The following NFILZ variants were observed in gnomAD, a reference collection of about 807,000 sequenced individuals.
NFILZ encodes the protein NFIL3 like protein.
rs188347599 is a variant in NFILZ at position 8,676,190 on chromosome 19, G to A, written c.-113-169G>A. The stretch of plus-strand genomic sequence containing the variant: ...GAATGGGTGAGTGATTGGATTACCC[G>A]ATGAATGGGTGGGTAGTTGGATGGA... On this transcript the variant is annotated intron_variant, in intron 4 of 5. Transcript: ENST00000691075. Among the ~76,000 whole-genome samples, 463 of 152,286 alleles carry A rather than the reference G, an allele frequency of 3.0e-3. 4 individuals are homozygous for A. The highest frequency in any genetic ancestry group is 0.01 in the African/African-American group (427 of 41,562).
intron 3 of NFILZ, among the ~76,000 whole-genome samples, chr19:8,664,443 G>A (rs1325216079): frequency 6.6e-6 from 1 of 152,138 alleles, no homozygotes; most frequent in Non-Finnish European, 1.5e-5. Flanking sequence ...AGATACCAAC[G>A]GCTTCCGGTC....
chr19:8,641,224 T>G (rs1244707712), intron 3 of NFILZ, among the ~76,000 whole-genome samples: 6 of 151,422 alleles, frequency 4.0e-5, no homozygotes, highest in East Asian at 3.9e-4. Flanking sequence ...TAATGTTTGT[T>G]TTTTTTTTGT....
chr19:8,674,865 A>G (rs1452890702), intron 4 of NFILZ, among the ~76,000 whole-genome samples: 2 of 152,198 alleles, frequency 1.3e-5, no homozygotes, highest in African/African-American at 4.8e-5. Context: ...ATGTTGGGGA[A>G]GAAAAACCTA....
rs184649379 is a variant in NFILZ, at chr19:8,661,761, G to A, written c.-163-12790G>A. On this transcript the variant is annotated intron_variant, in intron 3 of 5. Transcript: ENST00000691075. The stretch of plus-strand genomic sequence containing the variant: ...ACAAAAATTAGCCAGGCATGGTGGC[G>A]TGCGTCTGTAATCCCAGCTACCCGG... 1.0e-3 allele frequency among the ~76,000 whole-genome samples: 159 copies of A among 152,156 alleles called. 1 individual carries two copies. Among genetic ancestry groups the A allele is most frequent in the Middle Eastern group, 6.8e-3 (2 of 294 alleles).
At position 8,678,179 on chromosome 19, in the gene NFILZ, A is replaced by ATCCG. The variant is rs1568426457; in HGVS notation, c.*547_*548insGTCC. ...CATCCATCCATCCATCCATCCATCC[A>ATCCG]TCCATCCATCCGTCCATCTATCCAT... On this transcript the variant is annotated 3_prime_UTR_variant, in exon 6 of 6. Transcript: ENST00000691075. Among the ~76,000 whole-genome samples, 32 of 21,004 alleles carry ATCCG rather than the reference A, an allele frequency of 1.5e-3. 6 individuals are homozygous for ATCCG. The highest frequency in any genetic ancestry group is 5.2e-3 in the Admixed American group (9 of 1,724). The allele number at this position is 21,004 out of a possible 152,430, so 13.8% of individuals were successfully genotyped here.
chr19:8,679,300 A>G lies in NFILZ; in HGVS notation c.*1665A>G. Among the ~76,000 whole-genome samples, 1 of 138,318 alleles carries G rather than the reference A, an allele frequency of 7.2e-6. No individual in the cohort carries two copies. Among genetic ancestry groups the G allele is most frequent in the East Asian group, 2.1e-4 (1 of 4,862 alleles). 90.7% of individuals were successfully genotyped at this position (138,318 alleles called of 152,430 possible). On this transcript the variant is annotated 3_prime_UTR_variant, in exon 6 of 6. Transcript: ENST00000691075. ...TATTATTATTATTATTATTATTATT[A>G]TTATTACATCAGGGATCTTGTTAGA...
At chr19:8,633,425 G>A (rs560524994) in intron 2 of NFILZ, among the ~76,000 whole-genome samples, 1 of 152,118 alleles carries the variant, frequency 6.6e-6, no homozygotes, top group Non-Finnish European at 1.5e-5. Flanking sequence ...TCTGGATCGG[G>A]ACCCTTTTCC....
At chr19:8,639,597 A>AT (rs1295822736) in intron 3 of NFILZ, among the ~76,000 whole-genome samples, 1 of 148,492 alleles carries the variant, frequency 6.7e-6, no homozygotes, top group African/African-American at 2.5e-5. Flanking sequence ...TCTTAAGAAA[A>AT]TTAAAAAAAA....
At chr19:8,663,341 G>A (rs1315569594) in intron 3 of NFILZ, among the ~76,000 whole-genome samples, 8 of 151,216 alleles carry the variant, frequency 5.3e-5, no homozygotes, top group African/African-American at 1.9e-4. Flanking sequence ...AGGAGCAGAG[G>A]ACAAAAGTAG....
At chr19:8,640,856 A>G (rs192468626) in intron 3 of NFILZ, among the ~76,000 whole-genome samples, 1 of 152,282 alleles carries the variant, frequency 6.6e-6, no homozygotes, top group East Asian at 1.9e-4. Context: ...GTCGTGCTGT[A>G]TGGGATAAGC....
chr19:8,648,343 G>A (rs2042951413), intron 3 of NFILZ, among the ~76,000 whole-genome samples: 1 of 152,036 alleles, frequency 6.6e-6, no homozygotes, highest in African/African-American at 2.4e-5. Flanking sequence ...AAAGGGAAGG[G>A]AAGAATGGGA....
intron 3 of NFILZ, among the ~76,000 whole-genome samples, chr19:8,636,112 C>G (rs545983965): frequency 1.3e-5 from 2 of 152,062 alleles, no homozygotes; most frequent in East Asian, 4.0e-4. Context: ...ACTGGTATTA[C>G]AGGCATGAGC....
intron 3 of NFILZ, among the ~76,000 whole-genome samples, chr19:8,648,626 TG>T (rs1173613531): frequency 3.9e-5 from 6 of 152,038 alleles, no homozygotes; most frequent in Non-Finnish European, 5.9e-5. Flanking sequence ...AAGACCAGCC[TG>T]GCCAACATGG....
chr19:8,675,662 G>A (rs1214563404), intron 4 of NFILZ, among the ~76,000 whole-genome samples: 2 of 152,192 alleles, frequency 1.3e-5, no homozygotes, highest in African/African-American at 4.8e-5. Flanking sequence ...AGCTACTTGG[G>A]AAGCTGAGGC....
At chr19:8,656,461 T>TGCAGCCCACCTTCTCC (rs2043001617) in intron 3 of NFILZ, among the ~76,000 whole-genome samples, 6 of 18,328 alleles carry the variant, frequency 3.3e-4, no homozygotes, top group Admixed American at 7.6e-4. Flanking sequence ...CCACCTTCTC[T>TGCAGCCCACCTTCTCC]CTGAAGCCCA....
intron 3 of NFILZ, among the ~76,000 whole-genome samples, chr19:8,647,791 G>GCACACACACACACA (rs1349279601): frequency 4.3e-5 from 3 of 69,950 alleles, no homozygotes; most frequent in Non-Finnish European, 8.9e-5. Context: ...GCGCGCGCGC[G>GCACACACACACACA]CGCGCACACA....
At chr19:8,663,742 G>GTGTA (rs2043046166) in intron 3 of NFILZ, among the ~76,000 whole-genome samples, 1 of 83,908 alleles carries the variant, frequency 1.2e-5, no homozygotes, top group African/African-American at 6.5e-5. Context: ...GTGTGTGTGT[G>GTGTA]TGTGTGTGTG....
intron 3 of NFILZ, among the ~76,000 whole-genome samples, chr19:8,649,906 G>C (rs563043325): frequency 6.6e-6 from 1 of 151,974 alleles, no homozygotes; most frequent in African/African-American, 2.4e-5. Context: ...CCTGAGGTCA[G>C]GAGTTCGACA....
rs1389168925 is a variant in NFILZ at position 8,647,785 on chromosome 19, G to A, written c.-164+12039G>A. ...CACACACACACGCACACATGCGCGC[G>A]CGCGCGCGCGCACACACACACACAC... On this transcript the variant is annotated intron_variant, in intron 3 of 5. Transcript: ENST00000691075. Among the ~76,000 whole-genome samples, 16 of 52,812 alleles carry A rather than the reference G, an allele frequency of 3.0e-4. 1 individual carries two copies. Among genetic ancestry groups the A allele is most frequent in the South Asian group, 1.6e-3 (3 of 1,858 alleles). 34.6% of individuals were successfully genotyped at this position (52,812 alleles called of 152,430 possible). A position where few individuals can be genotyped will look rare whatever the true frequency, so the allele number is the denominator to read the frequency against.
Sources: allele counts gnomAD v4.1 joint callset (sites outside exome capture counted in the v4.1 genomes callset), GRCh38; gene constraint gnomAD v4.1.1; transcripts MANE v1.5; gene names NCBI Gene and HGNC (gene_info 2026-07-23, HGNC 2026-07-21).